The following LGALS4 variants were observed in gnomAD, a reference collection of about 807,000 sequenced individuals.
LGALS4 encodes the protein galectin-4.
A neutral mutation model predicts 39.6 loss-of-function variants in LGALS4; 37 were observed. That is an observed-to-expected ratio of 0.93 (90% confidence interval 0.72 to 1.23). The LOEUF (loss-of-function observed/expected upper bound fraction) is 1.23, where lower values mean the gene tolerates loss of function less well. Ranked by LOEUF, LGALS4 falls within the 50% of genes most tolerant of loss-of-function variation. The pLI, the probability that LGALS4 is intolerant of heterozygous loss-of-function variation, is 0.00. For missense variants in LGALS4, 397 were observed against 433.2 expected (o/e 0.92, Z 0.74); for synonymous variants, 160 against 165.5 (o/e 0.97, Z 0.25).
intron 3 of LGALS4, 51 bp from the exon 4 acceptor site, chr19:38,806,646 G>A (rs1321329557): frequency 5.0e-6 from 8 of 1,598,144 alleles, no homozygotes; most frequent in Non-Finnish European, 6.8e-6. Context: ...ATCCTGGGAA[G>A]GTACAAACAG....
intron 2 of LGALS4, 59 bp from the exon 3 acceptor site, chr19:38,809,007 C>A: frequency 7.0e-7 from 1 of 1,434,332 alleles, no homozygotes; most frequent in Non-Finnish European, 9.5e-7. Flanking sequence ...TGGGGGCCTC[C>A]TCCAGGAAGC....
chr19:38,810,425 C>T (rs1163798711), intron 2 of LGALS4, among the ~76,000 whole-genome samples: 1 of 141,022 alleles, frequency 7.1e-6, no homozygotes, highest in Admixed American at 7.6e-5. Flanking sequence ...TGCAGTGGCG[C>T]AATCTTGGCT....
intron 2 of LGALS4, among the ~76,000 whole-genome samples, chr19:38,809,272 T>C (rs1007351071): frequency 2.0e-5 from 3 of 148,570 alleles, no homozygotes; most frequent in African/African-American, 7.4e-5. Flanking sequence ...CTCCGCCTCC[T>C]GGATTCCAGT....
intron 2 of LGALS4, 45 bp downstream of exon 2, chr19:38,812,386 T>C (rs753759671): frequency 6.4e-7 from 1 of 1,560,762 alleles, no homozygotes; most frequent in East Asian, 2.2e-5. Context: ...GAGCACCCAG[T>C]TGGAAGTCCC....
At position 38,809,275 on chromosome 19, in the gene LGALS4, A is replaced by C. The variant is rs371148193; in HGVS notation, c.135-327T>G. ...GCTCACTGCAACCTCCGCCTCCTGGATTCCAGTGATTCTCCTGCCTCAGCC... is the reference window on the plus strand; with the variant it reads ...GCTCACTGCAACCTCCGCCTCCTGGCTTCCAGTGATTCTCCTGCCTCAGCC... On this transcript the variant is annotated intron_variant, in intron 2 of 9. Transcript: ENST00000307751. Among the ~76,000 whole-genome samples, 51 of 142,076 alleles carry C rather than the reference A, an allele frequency of 3.6e-4. No individual in the cohort carries two copies. The East Asian group carries it at 0.011, about 30-fold the overall frequency. The allele number at this position is 142,076 out of a possible 152,430, so 93.2% of individuals were successfully genotyped here.
chr19:38,802,278 G>T (rs1971365772), intron 8 of LGALS4, 38 bp downstream of exon 8: 1 of 1,601,896 alleles, frequency 6.2e-7, no homozygotes, highest in South Asian at 1.1e-5. Flanking sequence ...GTCTGAGGGA[G>T]GAGGGGGCTG....
intron 2 of LGALS4, 47 bp from the exon 3 acceptor site, chr19:38,808,995 C>A: frequency 6.7e-7 from 1 of 1,495,622 alleles, no homozygotes; most frequent in South Asian, 1.2e-5. Flanking sequence ...CCTCCCGGGG[C>A]CTGGGGGCCT....
intron 3 of LGALS4, 80 bp from the exon 4 acceptor site, chr19:38,806,675 C>T (rs916053666): frequency 6.7e-7 from 1 of 1,482,496 alleles, no homozygotes; most frequent in Non-Finnish European, 9.3e-7. Flanking sequence ...GGCAGGGCAC[C>T]CTGGCTCACG....
intron 3 of LGALS4, 73 bp downstream of exon 3, chr19:38,808,671 C>T (rs1396980708): frequency 1.1e-5 from 12 of 1,120,168 alleles, no homozygotes; most frequent in South Asian, 4.3e-5. Context: ...GGAAGGAAGG[C>T]GGGAAGGAAG....
intron 2 of LGALS4, 105 bp from the exon 3 acceptor site, chr19:38,809,053 C>T: frequency 1.1e-6 from 1 of 951,944 alleles, no homozygotes; most frequent in East Asian, 2.6e-5. Context: ...CCTCCCTGGC[C>T]CGGACCTCAG....
Position 38,807,759 on chromosome 19 carries a change from G to A in LGALS4, c.339+985C>T, listed in dbSNP as rs192106321. On this transcript the variant is annotated intron_variant, in intron 3 of 9. Transcript: ENST00000307751. Reference sequence around the variant, plus strand: ...TGTGTAGAAAGAAGTAGACATAGAAGACTCCATTTTGTTCTGTACTAAGAA... The same window carrying A: ...TGTGTAGAAAGAAGTAGACATAGAAAACTCCATTTTGTTCTGTACTAAGAA... 7.3e-3 allele frequency among the ~76,000 whole-genome samples: 1,113 copies of A among 152,328 alleles called. 9 individuals are homozygous for A. Among genetic ancestry groups the A allele is most frequent in the African/African-American group, 0.025 (1,058 of 41,554 alleles).
chr19:38,812,671 G>T, intron 1 of LGALS4, 152 bp from the exon 2 acceptor site: 1 of 932,974 alleles, frequency 1.1e-6, no homozygotes, highest in Non-Finnish European at 1.7e-6. Context: ...AGTTAGACGT[G>T]GACACAGACA....
intron 7 of LGALS4, among the ~76,000 whole-genome samples, chr19:38,802,756 C>A (rs1454110749): frequency 6.6e-6 from 1 of 152,120 alleles, no homozygotes; most frequent in African/African-American, 2.4e-5. Context: ...CAGCTCACTG[C>A]AACCTCTGCC....
At chr19:38,809,179 T>A (rs1333968788) in intron 2 of LGALS4, among the ~76,000 whole-genome samples, 1 of 136,300 alleles carries the variant, frequency 7.3e-6, no homozygotes, top group African/African-American at 3.1e-5. Context: ...CCTTCTTTTT[T>A]TTTTTTTTTT....
In LGALS4 at chr19:38,806,444, G is replaced by A. The variant is rs1322691803; in HGVS notation, c.474+17C>T. Reference sequence around the variant, plus strand: ...TTTAGAAAGAAAGGACGCAAGAAGGGATGGGACCCCTCACACCTGGGGCCG... The same window carrying A: ...TTTAGAAAGAAAGGACGCAAGAAGGAATGGGACCCCTCACACCTGGGGCCG... On this transcript the variant is annotated intron_variant, in intron 4 of 9. Transcript: ENST00000307751. 2 of 1,613,454 alleles carry A rather than the reference G, an allele frequency of 1.2e-6. No homozygotes were observed. The highest frequency in any genetic ancestry group is 1.7e-6 in the Non-Finnish European group (2 of 1,179,584).
At chr19:38,812,590 G>T (rs1600003064) in intron 1 of LGALS4, 71 bp from the exon 2 acceptor site, 2 of 1,410,676 alleles carry the variant, frequency 1.4e-6, no homozygotes, top group Non-Finnish European at 1.0e-6. Context: ...TCCCAGAAAA[G>T]CCCCCCAGTC....
In LGALS4 at chr19:38,802,134, C is replaced by A; in HGVS notation, c.683G>T (p.Gly228Val). Residue 228 changes from glycine to valine, a missense_variant, in exon 9 of 10, where the codon GGC becomes GTC. Coordinates refer to ENST00000307751, the MANE Select transcript of LGALS4 (RefSeq NM_006149.4). The part of the protein sequence containing the change: ...GKSFAINFKV[G>V]SSGDIALHIN... ...GTGCAGAGCTATGTCCCCTGAGGAG[C>A]CCACCTTGAAGTTGATAGCAAAGCT... 1 of 1,613,868 alleles carries A rather than the reference C, an allele frequency of 6.2e-7. No homozygotes were observed. Among genetic ancestry groups the A allele is most frequent in the Non-Finnish European group, 8.5e-7 (1 of 1,179,864 alleles).
chr19:38,809,173 C>CTTTTTTT (rs34677297), intron 2 of LGALS4, among the ~76,000 whole-genome samples: 2 of 104,924 alleles, frequency 1.9e-5, no homozygotes, highest in East Asian at 6.5e-4. Context: ...GCCTTTCCTT[C>CTTTTTTT]TTTTTTTTTT....
At chr19:38,812,018 C>CAA in intron 2 of LGALS4, among the ~76,000 whole-genome samples, 1 of 139,818 alleles carries the variant, frequency 7.2e-6, no homozygotes, top group African/African-American at 2.5e-5. Flanking sequence ...CATCTCAAAA[C>CAA]AAAAAAAAAA....
Sources: gnomAD v4.1 joint callset for allele counts (sites outside exome capture counted in the v4.1 genomes callset) on GRCh38, gnomAD v4.1.1 for gene constraint, MANE v1.5 for transcripts, NCBI Gene and HGNC (gene_info 2026-07-23, HGNC 2026-07-21) for gene names.